Variants in SLC9B2 observed in about 807,000 individuals in gnomAD.
SLC9B2 encodes solute carrier family 9 member B2.
A neutral mutation model predicts 52.2 loss-of-function variants in SLC9B2; 39 were observed. That is an observed-to-expected ratio of 0.75 (90% CI 0.58 to 0.98). The LOEUF is 0.98. Ranked by LOEUF, SLC9B2 falls within the 50% of genes least tolerant of loss-of-function variation. The pLI is 0.00. For missense variants in SLC9B2, 626 were observed against 637.5 expected (o/e 0.98, Z 0.19); for synonymous variants, 214 against 227.0 (o/e 0.94, Z 0.51).
At chr4:103,052,091 C>A (rs1265049915) in intron 4 of SLC9B2, among the ~76,000 whole-genome samples, 1 of 152,206 alleles carries the variant, frequency 6.6e-6, no homozygotes, top group African/African-American at 2.4e-5. Flanking sequence ...GTGAGCTAGA[C>A]CAGCAGTCCA....
intron 11 of SLC9B2, among the ~76,000 whole-genome samples, chr4:103,027,154 A>G (rs1170450567): frequency 6.6e-6 from 1 of 152,218 alleles, no homozygotes; most frequent in East Asian, 1.9e-4. Flanking sequence ...AATACATTTC[A>G]AAACACAAAG....
chr4:103,073,265 G>A (rs1746830297), intron 1 of SLC9B2, among the ~76,000 whole-genome samples: 1 of 152,152 alleles, frequency 6.6e-6, no homozygotes, highest in Non-Finnish European at 1.5e-5. Context: ...GCATCACTAT[G>A]ATTGTTCAAT....
At chr4:103,042,726 T>C (rs1182231323) in intron 9 of SLC9B2, among the ~76,000 whole-genome samples, 1 of 151,662 alleles carries the variant, frequency 6.6e-6, no homozygotes, top group Non-Finnish European at 1.5e-5. Context: ...ATTGATATTA[T>C]CAAAAGTATA....
intron 10 of SLC9B2, among the ~76,000 whole-genome samples, chr4:103,029,159 T>C (rs1290838406): frequency 1.3e-5 from 2 of 152,146 alleles, no homozygotes; most frequent in Non-Finnish European, 2.9e-5. Flanking sequence ...GTCTTATGCT[T>C]TATAGCAAGA....
intron 3 of SLC9B2, among the ~76,000 whole-genome samples, chr4:103,064,083 T>C (rs887264618): frequency 6.6e-6 from 1 of 152,228 alleles, no homozygotes; most frequent in Non-Finnish European, 1.5e-5. Context: ...GAAAATGGTA[T>C]GGAGAGTCCT....
intron 9 of SLC9B2, among the ~76,000 whole-genome samples, chr4:103,038,083 A>T (rs1322623527): frequency 6.6e-6 from 1 of 152,082 alleles, no homozygotes; most frequent in Non-Finnish European, 1.5e-5. Context: ...GCTGGTCTCA[A>T]ACTCCAGAGC....
chr4:103,046,886 G>A (rs920117343), intron 7 of SLC9B2, among the ~76,000 whole-genome samples, 165 bp downstream of exon 7: 5 of 152,218 alleles, frequency 3.3e-5, no homozygotes, highest in African/African-American at 1.2e-4. Flanking sequence ...AGAGAGTAAA[G>A]ACAGACAGCT....
chr4:103,031,260 C>A (rs1221022684), intron 10 of SLC9B2, among the ~76,000 whole-genome samples: 2 of 152,026 alleles, frequency 1.3e-5, no homozygotes, highest in Non-Finnish European at 1.5e-5. Context: ...AATATGATGG[C>A]TTTTGAATGT....
At chr4:103,056,536 C>G (rs1026346598) in intron 4 of SLC9B2, among the ~76,000 whole-genome samples, 3 of 152,196 alleles carry the variant, frequency 2.0e-5, no homozygotes, top group African/African-American at 7.2e-5. Context: ...GTGTGAGCCA[C>G]CATGATCGGC....
chr4:103,062,215 G>C (rs1253227044), intron 3 of SLC9B2, among the ~76,000 whole-genome samples: 2 of 152,174 alleles, frequency 1.3e-5, no homozygotes, highest in Non-Finnish European at 1.5e-5. Flanking sequence ...GAGGTCAGAA[G>C]TTCGAGACCA....
intron 4 of SLC9B2, among the ~76,000 whole-genome samples, chr4:103,056,573 T>C (rs1351813168): frequency 6.6e-6 from 1 of 152,214 alleles, no homozygotes; most frequent in East Asian, 1.9e-4. Context: ...ATATACCCAA[T>C]GGTGTGCTGG....
At chr4:103,034,256 C>T (rs1200687510) in intron 9 of SLC9B2, among the ~76,000 whole-genome samples, 1 of 152,108 alleles carries the variant, frequency 6.6e-6, no homozygotes, top group East Asian at 1.9e-4. Flanking sequence ...TAACCATATG[C>T]AGAAGATTGA....
chr4:103,067,575 AG>A lies in SLC9B2; in HGVS notation c.-26del. ...TTATTTATAATTAAGAAGATGACAC[AG>A]GGAAGAGGAACGAGATCTGTTTTGA... On this transcript the variant is annotated 5_prime_UTR_variant, in exon 2 of 12. Coordinates refer to ENST00000394785, the MANE Select transcript of SLC9B2 (RefSeq NM_178833.7). 6.5e-7 allele frequency: 1 copy of A among 1,536,590 alleles called. No homozygotes were observed. Among genetic ancestry groups the A allele is most frequent in the Non-Finnish European group, 9.0e-7 (1 of 1,110,782 alleles).
At chr4:103,054,489 G>A (rs948392829) in intron 4 of SLC9B2, among the ~76,000 whole-genome samples, 1 of 152,096 alleles carries the variant, frequency 6.6e-6, no homozygotes, top group African/African-American at 2.4e-5. Flanking sequence ...TGATGCAAGG[G>A]TCAGCAAAAA....
chr4:103,044,089 C>T (rs1402819583), intron 8 of SLC9B2, among the ~76,000 whole-genome samples: 2 of 152,056 alleles, frequency 1.3e-5, no homozygotes, highest in Non-Finnish European at 2.9e-5. Context: ...GAAAGTAGGT[C>T]TTTAAAAGTG....
intron 3 of SLC9B2, among the ~76,000 whole-genome samples, chr4:103,061,343 G>C (rs1745623107): frequency 6.6e-6 from 1 of 152,160 alleles, no homozygotes; most frequent in African/African-American, 2.4e-5. Context: ...AAAATGATGA[G>C]TTCATGTCCT....
rs575825540 is a variant in SLC9B2 at position 103,022,462 on chromosome 4, C to T, written c.*3908G>A. 6.6e-5 allele frequency among the ~76,000 whole-genome samples: 10 copies of T among 152,042 alleles called. No individual in the cohort carries two copies. In the East Asian group the frequency reaches 1.7e-3, roughly 26 times the overall value. On this transcript the variant is annotated 3_prime_UTR_variant, in exon 12 of 12. Coordinates refer to ENST00000394785, the MANE Select transcript of SLC9B2 (RefSeq NM_178833.7). The stretch of plus-strand genomic sequence containing the variant: ...TAATACATCCCCCAAAACTGCAGTA[C>T]AATTTTAAAGAAAAATAAAATACAT...
Position 103,055,307 on chromosome 4 carries a change from G to A in SLC9B2, c.442+2494C>T, listed in dbSNP as rs946887809. Among the ~76,000 whole-genome samples the A allele has an allele frequency of 7.1e-4, 108 of 151,870 alleles. No homozygotes were observed. The Middle Eastern group carries it at 0.01, about 14-fold the overall frequency. Reference sequence around the variant, plus strand: ...TAATGTAAATGATGAGTTAATGGGTGCAGCACACCAACAAGGCACATGTAT... The same window carrying A: ...TAATGTAAATGATGAGTTAATGGGTACAGCACACCAACAAGGCACATGTAT... On this transcript the variant is annotated intron_variant, in intron 4 of 11. Transcript: ENST00000394785.
intron 5 of SLC9B2, among the ~76,000 whole-genome samples, chr4:103,049,412 T>C (rs1744461514): frequency 6.6e-6 from 1 of 152,178 alleles, no homozygotes; most frequent in African/African-American, 2.4e-5. Flanking sequence ...TTATAATTTG[T>C]GGTCCCAGAA....
Sources: allele counts gnomAD v4.1 joint callset (sites outside exome capture counted in the v4.1 genomes callset), GRCh38; gene constraint gnomAD v4.1.1; transcripts MANE v1.5; gene names NCBI Gene and HGNC (gene_info 2026-07-23, HGNC 2026-07-21).